GOLM1: variants seen among roughly 807,000 people sequenced by gnomAD.
GOLM1 encodes the protein golgi membrane protein 1.
In GOLM1, 31 loss-of-function variants were observed where a neutral mutation model predicts 50.5. The ratio of observed to expected loss-of-function variants is 0.61; its 90% CI spans 0.46 to 0.83. The LOEUF is 0.83. Ranked by LOEUF, GOLM1 falls within the 40% of genes least tolerant of loss-of-function variation. The pLI, the probability that GOLM1 is intolerant of heterozygous loss-of-function variation, is 0.00. For missense variants in GOLM1, 491 were observed against 501.3 expected, an observed-to-expected ratio of 0.98 and a Z score of 0.20; for synonymous variants, 178 against 192.8, an observed-to-expected ratio of 0.92 and a Z score of 0.64.
At chr9:86,072,211 G>C (rs939455232) in intron 3 of GOLM1, among the ~76,000 whole-genome samples, 5 of 152,116 alleles carry the variant, frequency 3.3e-5, no homozygotes, top group African/African-American at 1.2e-4. Flanking sequence ...GGAAAGGAGA[G>C]AAGAGACGGA....
chr9:86,052,480 A>G (rs1454250786), intron 4 of GOLM1, 57 bp downstream of exon 4: 2 of 1,468,010 alleles, frequency 1.4e-6, no homozygotes. Context: ...GAAGGAGAGA[A>G]AGGGAGTTTC....
chr9:86,084,422 C>A (rs549932343), intron 1 of GOLM1, among the ~76,000 whole-genome samples: 1 of 152,256 alleles, frequency 6.6e-6, no homozygotes, highest in Admixed American at 6.5e-5. Flanking sequence ...GAGGGCACGG[C>A]ACCTCTACAG....
chr9:86,074,179 AT>A (rs1834535957), intron 3 of GOLM1, among the ~76,000 whole-genome samples: 1 of 151,250 alleles, frequency 6.6e-6, no homozygotes, highest in Non-Finnish European at 1.5e-5. Context: ...GTTCTTTAAA[AT>A]TTTTTTAAGG....
intron 3 of GOLM1, among the ~76,000 whole-genome samples, chr9:86,072,737 C>T (rs1834484089): frequency 6.6e-6 from 1 of 152,156 alleles, no homozygotes; most frequent in South Asian, 2.1e-4. Context: ...AGAAATGCAT[C>T]ATTATGAGAT....
chr9:86,050,550 G>T (rs1403632025), intron 4 of GOLM1, among the ~76,000 whole-genome samples: 1 of 152,106 alleles, frequency 6.6e-6, no homozygotes, highest in South Asian at 2.1e-4. Flanking sequence ...GCCTGTTATT[G>T]GTCTATTCAG....
intron 6 of GOLM1, among the ~76,000 whole-genome samples, chr9:86,039,761 C>T (rs762658540): frequency 5.3e-5 from 8 of 151,894 alleles, no homozygotes; most frequent in Non-Finnish European, 2.9e-5. Flanking sequence ...TGAGGTCAGC[C>T]GTTCAAGACC....
At chr9:86,066,166 C>T (rs1834302478) in intron 3 of GOLM1, among the ~76,000 whole-genome samples, 1 of 152,192 alleles carries the variant, frequency 6.6e-6, no homozygotes. Flanking sequence ...CACTCATAAA[C>T]AAATGCTGTT....
intron 3 of GOLM1, among the ~76,000 whole-genome samples, chr9:86,071,076 T>G (rs1232048383): frequency 1.7e-5 from 1 of 60,074 alleles, no homozygotes; most frequent in Non-Finnish European, 3.1e-5. Flanking sequence ...CATATATACA[T>G]GTACACACAC....
chr9:86,027,404 G>T lies in GOLM1; in HGVS notation c.*413C>A. ...CAGGCTGGCACCAGCACTTGGTACA[G>T]CACGTGGACAGGACGACGGAACCCA... On this transcript the variant is annotated 3_prime_UTR_variant, in exon 10 of 10. Coordinates refer to ENST00000388712, the MANE Select transcript of GOLM1 (RefSeq NM_016548.4). 9.9e-7 allele frequency: 1 copy of T among 1,009,134 alleles called. No homozygotes were observed. Among genetic ancestry groups the T allele is most frequent in the Non-Finnish European group, 1.2e-6 (1 of 845,502 alleles). The allele number at this position is 1,009,134 out of a possible 1,614,324, so 62.5% of individuals were successfully genotyped here. A position where few individuals can be genotyped will look rare whatever the true frequency, so the allele number is the denominator to read the frequency against.
intron 1 of GOLM1, among the ~76,000 whole-genome samples, chr9:86,098,493 T>C (rs1379979387): frequency 1.3e-5 from 2 of 152,282 alleles, no homozygotes; most frequent in East Asian, 3.9e-4. Flanking sequence ...CTCAATAATG[T>C]GCATAATGTA....
intron 1 of GOLM1, among the ~76,000 whole-genome samples, chr9:86,087,987 T>C (rs1304052560): frequency 6.6e-6 from 1 of 152,168 alleles, no homozygotes; most frequent in African/African-American, 2.4e-5. Context: ...TCTTTTTCTA[T>C]TGTTTGGAAT....
At chr9:86,057,222 G>A (rs1834020360) in intron 3 of GOLM1, among the ~76,000 whole-genome samples, 1 of 152,012 alleles carries the variant, frequency 6.6e-6, no homozygotes, top group South Asian at 2.1e-4. Context: ...AAGTATATTT[G>A]GATCAAACTT....
At chr9:86,067,484 T>C (rs1389499366) in intron 3 of GOLM1, among the ~76,000 whole-genome samples, 1 of 152,222 alleles carries the variant, frequency 6.6e-6, no homozygotes, top group Non-Finnish European at 1.5e-5. Flanking sequence ...ACGAATGTGG[T>C]AGTTTAAAAA....
At chr9:86,053,547 A>AC (rs1303796484) in intron 3 of GOLM1, among the ~76,000 whole-genome samples, 73 of 350 alleles carry the variant, frequency 0.21, 4 homozygotes, top group East Asian at 0.39. Context: ...AACCACACCA[A>AC]ACACACACTA....
At chr9:86,073,311 CAG>C (rs928975258) in intron 3 of GOLM1, among the ~76,000 whole-genome samples, 11 of 151,992 alleles carry the variant, frequency 7.2e-5, no homozygotes, top group Admixed American at 1.3e-4. Flanking sequence ...CCCAAACATC[CAG>C]AGAGTCTGAT....
chr9:86,053,242 G>A (rs1232954781), intron 3 of GOLM1, among the ~76,000 whole-genome samples: 1 of 67,822 alleles, frequency 1.5e-5, no homozygotes. Context: ...CACATACCAC[G>A]CCATATGACT....
At chr9:86,049,466 T>C (rs1202846668) in intron 4 of GOLM1, among the ~76,000 whole-genome samples, 6 of 152,236 alleles carry the variant, frequency 3.9e-5, no homozygotes, top group Non-Finnish European at 7.3e-5. Context: ...TTGGGCAGTA[T>C]GGCCATTTTC....
At position 86,063,146 on chromosome 9, in the gene GOLM1, G is replaced by T. The variant is rs375103818; in HGVS notation, c.310-10555C>A. ...ACTGCCAACAGGGCTTGACCCAGGA[G>T]CGGGGGCTTGAAAAGCTCCAGCTCC... is the stretch of plus-strand genomic sequence containing the variant. On this transcript the variant is annotated intron_variant, in intron 3 of 9. Coordinates refer to ENST00000388712, the MANE Select transcript of GOLM1 (RefSeq NM_016548.4). Among the ~76,000 whole-genome samples, 5 of 152,252 alleles carry T rather than the reference G, an allele frequency of 3.3e-5. No homozygotes were observed. The East Asian group carries it at 9.6e-4, about 29-fold the overall frequency.
At chr9:86,095,460 T>C (rs1835331291) in intron 1 of GOLM1, among the ~76,000 whole-genome samples, 1 of 151,684 alleles carries the variant, frequency 6.6e-6, no homozygotes, top group African/African-American at 2.4e-5. Flanking sequence ...GTTGGCCAGG[T>C]TGGTCTCGAA....
Sources: allele counts gnomAD v4.1 joint callset (sites outside exome capture counted in the v4.1 genomes callset), GRCh38; gene constraint gnomAD v4.1.1; transcripts MANE v1.5; gene names NCBI Gene and HGNC (gene_info 2026-07-23, HGNC 2026-07-21).